The following AGXT2 variants were observed in gnomAD, a reference collection of about 807,000 sequenced individuals.
AGXT2 encodes the protein alanine--glyoxylate aminotransferase 2, mitochondrial.
AGXT2 carries 61 observed loss-of-function variants against 62.5 expected under a neutral mutation model. That is an observed-to-expected ratio of 0.98 (90% confidence interval 0.79 to 1.21). The LOEUF (loss-of-function observed/expected upper bound fraction) is 1.21, where lower values mean the gene tolerates loss of function less well. Ranked by LOEUF, AGXT2 falls within the 50% of genes most tolerant of loss-of-function variation. The pLI, the probability that AGXT2 is intolerant of heterozygous loss-of-function variation, is 0.00. For missense variants in AGXT2, 666 were observed against 641.5 expected (o/e 1.04, Z -0.41); for synonymous variants, 243 against 218.7 (o/e 1.11, Z -0.98).
chr5:35,035,294 C>A lies in AGXT2; in HGVS notation c.509G>T (p.Gly170Val), dbSNP rs764137631. The A allele has an allele frequency of 4.3e-6, 7 of 1,613,938 alleles. No homozygotes were observed. The highest frequency in any genetic ancestry group is 2.2e-5 in the East Asian group (1 of 44,862). The change falls in exon 5 of 14, where the codon GGC becomes GTC. Residue 170 changes from glycine (G) to valine (V), a missense_variant. Transcript: ENST00000231420. Reference protein sequence around the residue: ...PLKVIFLVNSGSEANELAMLM... With the variant: ...PLKVIFLVNSVSEANELAMLM... The stretch of plus-strand genomic sequence containing the variant: ...CATGGCCAGCTCATTGGCTTCTGAG[C>A]CACTGTTCACCAAGAAAATGACCTG...
Position 35,014,103 on chromosome 5 carries a change from C to A in AGXT2, c.980G>T (p.Gly327Val), listed in dbSNP as rs778805554. ...GCCCCAGAAGTGAGAGCCCAACCTTCCAAATCCTGTCTGCACCTGGGAAAA... is the reference window on the plus strand; with the variant it reads ...GCCCCAGAAGTGAGAGCCCAACCTTACAAATCCTGTCTGCACCTGGGAAAA... ...CIADEVQTGF[G>V]RLGSHFWGFQ... Residue 327 changes from glycine (G) to valine (V), a missense_variant, in exon 10 of 14, where the codon GGA becomes GTA. By Grantham distance (109) the Gly-to-Val change is moderately radical (BLOSUM62 -3). Transcript: ENST00000231420. The A allele has an allele frequency of 1.2e-5, 20 of 1,613,982 alleles. No homozygotes were observed. Among genetic ancestry groups the A allele is most frequent in the Non-Finnish European group, 1.6e-5 (19 of 1,180,018 alleles).
At position 35,047,902 on chromosome 5, in the gene AGXT2, T is replaced by G. The variant is rs1361578136; in HGVS notation, c.-10A>C. The G allele has an allele frequency of 6.2e-7, 1 of 1,613,822 alleles. No individual in the cohort carries two copies. The highest frequency in any genetic ancestry group is 8.5e-7 in the Non-Finnish European group (1 of 1,179,910). ...TCCAGATTAGAGTCATTTCTCCCAC[T>G]CAGAAAGCCAACCCCCATGGAAGCA... is the stretch of plus-strand genomic sequence containing the variant. On this transcript the variant is annotated 5_prime_UTR_variant, in exon 1 of 14. Transcript: ENST00000231420.
intron 7 of AGXT2, among the ~76,000 whole-genome samples, chr5:35,032,201 C>T (rs926322623): frequency 6.6e-6 from 1 of 151,936 alleles, no homozygotes; most frequent in Non-Finnish European, 1.5e-5. Flanking sequence ...ATCTGCCCGC[C>T]TCAACCTCCC....
chr5:34,998,489 G>C lies in AGXT2; in HGVS notation c.*230C>G, dbSNP rs1247277113. 1.7e-6 allele frequency: 1 copy of C among 587,082 alleles called. No homozygotes were observed. Among genetic ancestry groups the C allele is most frequent in the Non-Finnish European group, 3.0e-6 (1 of 330,592 alleles). 36.4% of individuals were successfully genotyped at this position (587,082 alleles called of 1,614,324 possible). A position where few individuals can be genotyped will look rare whatever the true frequency, so the allele number is the denominator to read the frequency against. ...ACCATACCTAACATAAACTAATTAG[G>C]ATTTATTCTCTGAGCTAGGGAGATC... On this transcript the variant is annotated 3_prime_UTR_variant, in exon 14 of 14. Coordinates refer to ENST00000231420, the MANE Select transcript of AGXT2 (RefSeq NM_031900.4).
intron 7 of AGXT2, among the ~76,000 whole-genome samples, chr5:35,032,262 C>T (rs1007605646): frequency 6.6e-6 from 1 of 151,962 alleles, no homozygotes. Context: ...GGGCCTTGCT[C>T]TTTCATGCAG....
At chr5:35,016,362 T>C (rs1766850564) in intron 9 of AGXT2, among the ~76,000 whole-genome samples, 1 of 152,220 alleles carries the variant, frequency 6.6e-6, no homozygotes, top group Non-Finnish European at 1.5e-5. Context: ...AAGCTAACTA[T>C]GGGAGGAATT....
intron 2 of AGXT2, among the ~76,000 whole-genome samples, chr5:35,040,201 G>A (rs1421204443): frequency 1.3e-5 from 2 of 152,212 alleles, no homozygotes; most frequent in Admixed American, 6.5e-5. Flanking sequence ...GAGTACCCAG[G>A]AAGGTCAGAT....
intron 1 of AGXT2, among the ~76,000 whole-genome samples, chr5:35,041,938 G>A (rs112361861): frequency 0.045 from 6,851 of 152,096 alleles, 193 homozygotes; most frequent in Middle Eastern, 0.071. Context: ...TGCATAGAAA[G>A]GACCAAAAAA....
chr5:35,000,203 C>G (rs1344600286), intron 13 of AGXT2, among the ~76,000 whole-genome samples: 2 of 151,194 alleles, frequency 1.3e-5, no homozygotes, highest in African/African-American at 4.9e-5. Flanking sequence ...TCTTCCAGCC[C>G]TCATTCTCTC....
intron 12 of AGXT2, among the ~76,000 whole-genome samples, chr5:35,005,261 C>T (rs186367824): frequency 2.6e-5 from 4 of 152,246 alleles, no homozygotes; most frequent in South Asian, 2.1e-4. Flanking sequence ...CAGAGTCTCA[C>T]TCTGTTGCCC....
intron 12 of AGXT2, 82 bp downstream of exon 12, chr5:35,009,918 T>A: frequency 6.3e-7 from 1 of 1,577,804 alleles, no homozygotes; most frequent in Non-Finnish European, 8.7e-7. Context: ...TCCTTGAGAG[T>A]AAATGAAGTT....
intron 9 of AGXT2, among the ~76,000 whole-genome samples, chr5:35,022,680 A>C (rs1378899619): frequency 6.6e-6 from 1 of 151,660 alleles, no homozygotes; most frequent in Non-Finnish European, 1.5e-5. Context: ...ATATGCAACT[A>C]ACCTGCACAT....
At position 35,032,881 on chromosome 5, in the gene AGXT2, AG is replaced by A. The variant is rs145272581; in HGVS notation, c.676-57del. On this transcript the variant is annotated intron_variant, in intron 6 of 13. Coordinates refer to ENST00000231420, the MANE Select transcript of AGXT2 (RefSeq NM_031900.4). The stretch of plus-strand genomic sequence containing the variant: ...AGCATGAACACAAGACAGCCAAGTT[AG>A]GGTAGCATATGGCTGCCATCAAGAC... The A allele has an allele frequency of 4.4e-3, 6,260 of 1,425,664 alleles. 241 individuals carry two copies. In the African/African-American group the frequency reaches 0.08, roughly 18 times the overall value. 88.3% of individuals were successfully genotyped at this position (1,425,664 alleles called of 1,614,324 possible). A position where few individuals can be genotyped will look rare whatever the true frequency, so the allele number is the denominator to read the frequency against.
At chr5:34,998,886 G>T in intron 13 of AGXT2, 60 bp from the exon 14 acceptor site, 1 of 1,256,902 alleles carries the variant, frequency 8.0e-7, no homozygotes, top group Non-Finnish European at 1.2e-6. Context: ...TGACTTTGAG[G>T]AAATGCACTA....
chr5:35,002,723 G>A (rs559833605), intron 13 of AGXT2, among the ~76,000 whole-genome samples: 7 of 152,102 alleles, frequency 4.6e-5, no homozygotes, highest in African/African-American at 1.7e-4. Context: ...TATGAGAAAT[G>A]AACTTCTATG....
At chr5:35,026,084 G>A (rs921147319) in intron 8 of AGXT2, 2 of 598,672 alleles carry the variant, frequency 3.3e-6, no homozygotes, top group African/African-American at 3.7e-5. Context: ...TTAGAAAACA[G>A]TAGAATAAAA....
chr5:35,021,234 T>C (rs1767067660), intron 9 of AGXT2, among the ~76,000 whole-genome samples: 1 of 152,186 alleles, frequency 6.6e-6, no homozygotes, highest in Non-Finnish European at 1.5e-5. Flanking sequence ...TCAAAGTTCA[T>C]ATGGAACCAA....
chr5:35,034,415 T>G (rs1468505892), intron 5 of AGXT2, among the ~76,000 whole-genome samples: 1 of 152,214 alleles, frequency 6.6e-6, no homozygotes, highest in African/African-American at 2.4e-5. Flanking sequence ...TGATATGGAA[T>G]GTGCAGTATT....
intron 7 of AGXT2, among the ~76,000 whole-genome samples, chr5:35,027,223 A>G (rs761144002): frequency 1.3e-5 from 2 of 152,238 alleles, no homozygotes; most frequent in Non-Finnish European, 1.5e-5. Context: ...CGCATTAAGA[A>G]GAAAATATTA....
Sources: gnomAD v4.1 joint callset for allele counts (sites outside exome capture counted in the v4.1 genomes callset) on GRCh38, gnomAD v4.1.1 for gene constraint, MANE v1.5 for transcripts, NCBI Gene and HGNC (gene_info 2026-07-23, HGNC 2026-07-21) for gene names.